Variants in PDGFC observed in about 807,000 individuals in gnomAD.
The protein encoded by PDGFC is platelet derived growth factor C.
Under a neutral mutation model 35.5 loss-of-function variants are expected in PDGFC, and 12 were observed. That is an observed-to-expected ratio of 0.34 (90% confidence interval 0.22 to 0.55). The LOEUF is 0.55. Ranked by LOEUF, PDGFC falls within the 20% of genes least tolerant of loss-of-function variation. The pLI, the probability that PDGFC is intolerant of heterozygous loss-of-function variation, is 0.91. For synonymous variants in PDGFC, 159 were observed against 148.8 expected, an observed-to-expected ratio of 1.07 and a Z score of -0.50; for missense variants, 322 against 412.4, an observed-to-expected ratio of 0.78 and a Z score of 1.90.
intron 1 of PDGFC, among the ~76,000 whole-genome samples, chr4:156,904,905 C>T (rs1730877987): frequency 6.6e-6 from 1 of 152,116 alleles, no homozygotes; most frequent in African/African-American, 2.4e-5. Flanking sequence ...TGCTGAATTG[C>T]TGGCATATAA....
intron 1 of PDGFC, chr4:156,876,468 T>C (rs1198485073): frequency 1.3e-5 from 2 of 152,210 alleles, no homozygotes; most frequent in African/African-American, 4.8e-5. Context: ...AATCTTCCAA[T>C]ACACTCTGAA....
At chr4:156,946,882 A>T (rs1353915042) in intron 1 of PDGFC, among the ~76,000 whole-genome samples, 1 of 152,020 alleles carries the variant, frequency 6.6e-6, no homozygotes, top group East Asian at 1.9e-4. Context: ...AAGCAGTAAG[A>T]AGACATCACC....
At chr4:156,934,820 C>T (rs1236810957) in intron 1 of PDGFC, among the ~76,000 whole-genome samples, 1 of 152,088 alleles carries the variant, frequency 6.6e-6, no homozygotes, top group Admixed American at 6.6e-5. Flanking sequence ...AAGGCCTTCA[C>T]AGGATCAGGA....
At chr4:156,963,251 T>C (rs1732383797) in intron 1 of PDGFC, among the ~76,000 whole-genome samples, 1 of 152,012 alleles carries the variant, frequency 6.6e-6, no homozygotes, top group African/African-American at 2.4e-5. Flanking sequence ...AAGGATCACT[T>C]GAGCCTAGGA....
intron 2 of PDGFC, among the ~76,000 whole-genome samples, chr4:156,828,736 T>C (rs1346147835): frequency 6.6e-6 from 1 of 152,186 alleles, no homozygotes; most frequent in African/African-American, 2.4e-5. Context: ...AAATTCTACT[T>C]ACATCACTTT....
chr4:156,924,559 T>C (rs1176177990), intron 1 of PDGFC, among the ~76,000 whole-genome samples: 2 of 152,064 alleles, frequency 1.3e-5, no homozygotes, highest in Non-Finnish European at 2.9e-5. Context: ...TAATTTTTAT[T>C]CCCCCAGAAG....
At chr4:156,937,374 G>C (rs959887633) in intron 1 of PDGFC, among the ~76,000 whole-genome samples, 1 of 152,134 alleles carries the variant, frequency 6.6e-6, no homozygotes, top group Admixed American at 6.6e-5. Context: ...GAAACCCTAA[G>C]TGAAGATTCA....
intron 3 of PDGFC, among the ~76,000 whole-genome samples, chr4:156,809,727 G>A (rs558272771): frequency 1.3e-5 from 2 of 151,338 alleles, no homozygotes; most frequent in East Asian, 1.9e-4. Context: ...AAAACCTTCA[G>A]TAGTGATATT....
intron 3 of PDGFC, among the ~76,000 whole-genome samples, chr4:156,808,610 A>G (rs1430307253): frequency 6.6e-6 from 1 of 151,950 alleles, no homozygotes; most frequent in Admixed American, 6.6e-5. Context: ...TGTTACACAG[A>G]TAAGATTGAT....
intron 1 of PDGFC, among the ~76,000 whole-genome samples, chr4:156,933,247 G>C (rs561773071): frequency 6.6e-6 from 1 of 152,156 alleles, no homozygotes; most frequent in Non-Finnish European, 1.5e-5. Context: ...TATTTAATAA[G>C]ATATCCAAAC....
chr4:156,870,663 A>G (rs982886614), intron 1 of PDGFC, among the ~76,000 whole-genome samples: 1 of 149,846 alleles, frequency 6.7e-6, no homozygotes, highest in Non-Finnish European at 1.5e-5. Context: ...GAAATACAGG[A>G]TGAGTGCTTC....
At chr4:156,921,326 C>T (rs757002586) in intron 1 of PDGFC, among the ~76,000 whole-genome samples, 3 of 152,034 alleles carry the variant, frequency 2.0e-5, no homozygotes, top group Non-Finnish European at 4.4e-5. Context: ...TTCAGAACAA[C>T]AGATAATCAG....
chr4:156,836,636 G>T (rs925734163), intron 2 of PDGFC, among the ~76,000 whole-genome samples: 5 of 152,132 alleles, frequency 3.3e-5, no homozygotes, highest in African/African-American at 1.2e-4. Context: ...TGCTGAAAAT[G>T]AAGGTGTAAG....
chr4:156,842,687 TACC>T (rs1289319292), intron 2 of PDGFC, among the ~76,000 whole-genome samples: 2 of 152,164 alleles, frequency 1.3e-5, no homozygotes, highest in Non-Finnish European at 2.9e-5. Flanking sequence ...ACCCACCACT[TACC>T]ACACCTCCAA....
intron 2 of PDGFC, among the ~76,000 whole-genome samples, chr4:156,815,090 A>G (rs1732043739): frequency 6.6e-6 from 1 of 152,170 alleles, no homozygotes; most frequent in Admixed American, 6.6e-5. Context: ...ATAAAGTTTA[A>G]GTGAAACAAA....
intron 1 of PDGFC, among the ~76,000 whole-genome samples, chr4:156,924,197 A>G (rs1382332701): frequency 6.6e-6 from 1 of 152,178 alleles, no homozygotes; most frequent in Non-Finnish European, 1.5e-5. Context: ...TAAAATTTCA[A>G]TAGCACACAG....
At chr4:156,909,597 A>G (rs1018695233) in intron 1 of PDGFC, among the ~76,000 whole-genome samples, 5 of 152,190 alleles carry the variant, frequency 3.3e-5, no homozygotes, top group Non-Finnish European at 7.4e-5. Context: ...ATTAGATATA[A>G]TATGATCTCA....
intron 1 of PDGFC, among the ~76,000 whole-genome samples, chr4:156,880,517 T>A (rs951290920): frequency 1.5e-4 from 23 of 152,188 alleles, no homozygotes; most frequent in South Asian, 4.1e-4. Flanking sequence ...GATGCAGATG[T>A]ACAAGGATAT....
At chr4:156,783,934 T>C (rs1009038353) in intron 3 of PDGFC, among the ~76,000 whole-genome samples, 3 of 152,112 alleles carry the variant, frequency 2.0e-5, no homozygotes, top group Non-Finnish European at 4.4e-5. Flanking sequence ...AGAAGAGATA[T>C]GCTTAATTTT....
Sources: gnomAD v4.1 joint callset for allele counts (sites outside exome capture counted in the v4.1 genomes callset) on GRCh38, gnomAD v4.1.1 for gene constraint, MANE v1.5 for transcripts, NCBI Gene and HGNC (gene_info 2026-07-23, HGNC 2026-07-21) for gene names.